Variants in RNFT2 observed in about 807,000 individuals in gnomAD.
RNFT2 encodes E3 ubiquitin-protein ligase RNFT2.
In RNFT2, 36 loss-of-function variants were observed where a neutral mutation model predicts 53.0. The ratio of observed to expected loss-of-function variants is 0.68; its 90% CI spans 0.52 to 0.90. The LOEUF (loss-of-function observed/expected upper bound fraction) is 0.90, where lower values mean the gene tolerates loss of function less well. Among genes scored for constraint, RNFT2 ranks in the 40% least tolerant of loss-of-function variants. RNFT2 has a pLI of 0.00. For synonymous variants in RNFT2, 260 were observed against 253.2 expected, an observed-to-expected ratio of 1.03 and a Z score of -0.26; for missense variants, 514 against 585.6, an observed-to-expected ratio of 0.88 and a Z score of 1.26.
intron 10 of RNFT2, among the ~76,000 whole-genome samples, chr12:116,840,832 C>T (rs868793125): frequency 4.6e-5 from 7 of 151,864 alleles, no homozygotes; most frequent in African/African-American, 1.5e-4. Flanking sequence ...TGTATTATAC[C>T]GATATTCAGT....
intron 6 of RNFT2, among the ~76,000 whole-genome samples, chr12:116,776,352 T>C (rs1873428531): frequency 6.6e-6 from 1 of 152,194 alleles, no homozygotes; most frequent in African/African-American, 2.4e-5. Flanking sequence ...AGATCTTCAT[T>C]TGATCATGAT....
At chr12:116,782,616 C>T (rs1161609405) in intron 7 of RNFT2, among the ~76,000 whole-genome samples, 1 of 152,060 alleles carries the variant, frequency 6.6e-6, no homozygotes, top group East Asian at 1.9e-4. Context: ...CATTCCATTC[C>T]CTGCCACACC....
intron 7 of RNFT2, among the ~76,000 whole-genome samples, chr12:116,788,770 G>C (rs1874055096): frequency 6.6e-6 from 1 of 152,056 alleles, no homozygotes; most frequent in African/African-American, 2.4e-5. Context: ...TGGATATATA[G>C]GTAGGTAGAT....
chr12:116,814,832 C>A (rs1875567361), intron 7 of RNFT2, among the ~76,000 whole-genome samples: 1 of 152,104 alleles, frequency 6.6e-6, no homozygotes. Context: ...GCATGCACCA[C>A]CATGCCCAGC....
At chr12:116,761,169 G>A (rs1051565260) in intron 5 of RNFT2, among the ~76,000 whole-genome samples, 2 of 151,886 alleles carry the variant, frequency 1.3e-5, no homozygotes, top group African/African-American at 4.8e-5. Flanking sequence ...TTCTTTTTGA[G>A]ACGGAATCTT....
At chr12:116,792,507 C>T (rs971994216) in intron 7 of RNFT2, among the ~76,000 whole-genome samples, 10 of 152,146 alleles carry the variant, frequency 6.6e-5, no homozygotes, top group Admixed American at 2.0e-4. Flanking sequence ...CCCTTTCTTG[C>T]GCCTCCGAGC....
rs148317681 is a variant in RNFT2 at position 116,762,804 on chromosome 12, G to A, written c.628-4010G>A. On this transcript the variant is annotated intron_variant, in intron 5 of 10. Coordinates refer to ENST00000257575, the MANE Select transcript of RNFT2 (RefSeq NM_001382266.1). ...TTTTTATATTTTTAGTAGAGATGGG[G>A]TTTCACCACGTTGGCCAGGCTGGTC... 4.4e-3 allele frequency among the ~76,000 whole-genome samples: 662 copies of A among 152,144 alleles called. 7 individuals carry two copies. The highest frequency in any genetic ancestry group is 0.015 in the African/African-American group (629 of 41,516).
chr12:116,835,806 T>TTC (rs1565874225), intron 8 of RNFT2, among the ~76,000 whole-genome samples, 154 bp from the exon 9 acceptor site: 1 of 152,124 alleles, frequency 6.6e-6, no homozygotes, highest in African/African-American at 2.4e-5. Context: ...CATGCAACAC[T>TTC]GTTGGGAAGG....
chr12:116,764,887 C>T (rs753415287), intron 5 of RNFT2, among the ~76,000 whole-genome samples: 10 of 152,124 alleles, frequency 6.6e-5, no homozygotes, highest in Non-Finnish European at 1.2e-4. Flanking sequence ...AGCGAAAGTC[C>T]GTCTCAAAAA....
intron 7 of RNFT2, among the ~76,000 whole-genome samples, chr12:116,799,281 TC>T (rs1267720565): frequency 1.3e-5 from 2 of 152,220 alleles, no homozygotes; most frequent in Non-Finnish European, 2.9e-5. Flanking sequence ...TTCTCTGACT[TC>T]CTTTTCCCCA....
At chr12:116,772,342 CTG>C (rs1873239887) in intron 6 of RNFT2, among the ~76,000 whole-genome samples, 1 of 152,168 alleles carries the variant, frequency 6.6e-6, no homozygotes, top group African/African-American at 2.4e-5. Flanking sequence ...GAGTCTCGCT[CTG>C]TCACCAGGCT....
chr12:116,846,408 G>A (rs1200435554), intron 10 of RNFT2, among the ~76,000 whole-genome samples: 1 of 149,716 alleles, frequency 6.7e-6, no homozygotes, highest in Non-Finnish European at 1.5e-5. Context: ...CCAAGTAGCT[G>A]GGACGGCACA....
chr12:116,811,246 AAAG>A (rs1875357088), intron 7 of RNFT2, among the ~76,000 whole-genome samples: 1 of 152,180 alleles, frequency 6.6e-6, no homozygotes, highest in South Asian at 2.1e-4. Context: ...TTCAAAAAAA[AAAG>A]AAATATTCCT....
At chr12:116,818,434 C>G (rs369545531) in intron 7 of RNFT2, among the ~76,000 whole-genome samples, 8 of 152,256 alleles carry the variant, frequency 5.3e-5, no homozygotes, top group African/African-American at 1.9e-4. Flanking sequence ...CACTGCCGTT[C>G]AGTAAATGTC....
At chr12:116,788,021 G>A (rs576151774) in intron 7 of RNFT2, among the ~76,000 whole-genome samples, 4 of 152,226 alleles carry the variant, frequency 2.6e-5, no homozygotes, top group Admixed American at 6.5e-5. Context: ...TCTGCCTCCC[G>A]GGTTCAAGCA....
chr12:116,767,046 T>C (rs960086459), intron 6 of RNFT2, 132 bp downstream of exon 6: 8 of 617,760 alleles, frequency 1.3e-5, no homozygotes, highest in Non-Finnish European at 2.0e-5. Flanking sequence ...CACCCTGCTG[T>C]TACTACTTAT....
chr12:116,781,470 G>A (rs369665946), intron 7 of RNFT2, among the ~76,000 whole-genome samples: 4 of 152,084 alleles, frequency 2.6e-5, no homozygotes, highest in African/African-American at 9.7e-5. Flanking sequence ...TTATCTTATC[G>A]TTCTGGAGGT....
At chr12:116,809,414 T>C (rs541689881) in intron 7 of RNFT2, among the ~76,000 whole-genome samples, 3 of 152,242 alleles carry the variant, frequency 2.0e-5, no homozygotes, top group Admixed American at 2.0e-4. Context: ...TTCTTTGAAG[T>C]CCGAGAAGAT....
At chr12:116,786,417 G>A (rs934484554) in intron 7 of RNFT2, among the ~76,000 whole-genome samples, 5 of 152,030 alleles carry the variant, frequency 3.3e-5, no homozygotes, top group African/African-American at 1.2e-4. Flanking sequence ...GGCCGAGATC[G>A]GGTAGTTCTT....
Sources: allele counts gnomAD v4.1 joint callset (sites outside exome capture counted in the v4.1 genomes callset), GRCh38; gene constraint gnomAD v4.1.1; transcripts MANE v1.5; gene names NCBI Gene and HGNC (gene_info 2026-07-23, HGNC 2026-07-21).